AGBL1: variants seen among roughly 807,000 people sequenced by gnomAD.
AGBL1 encodes AGBL carboxypeptidase 1.
A neutral mutation model predicts 118.9 loss-of-function variants in AGBL1; 130 were observed. The observed-to-expected ratio is 1.09, with a 90% CI of 0.95 to 1.26. The LOEUF (loss-of-function observed/expected upper bound fraction) is 1.26. Among genes scored for constraint, AGBL1 ranks in the 50% most tolerant of loss-of-function variants. The pLI, the probability that AGBL1 is intolerant of heterozygous loss-of-function variation, is 0.00. For missense variants in AGBL1, 1,584 were observed against 1,298.1 expected, an observed-to-expected ratio of 1.22 and a Z score of -3.38; for synonymous variants, 555 against 478.9, an observed-to-expected ratio of 1.16 and a Z score of -2.08.
intron 17 of AGBL1, among the ~76,000 whole-genome samples, chr15:86,298,261 A>ATATATATGGTAAC (rs2079682622): frequency 9.7e-6 from 1 of 103,096 alleles, no homozygotes; most frequent in Admixed American, 9.1e-5. Context: ...ATATATATAT[A>ATATATATGGTAAC]TATATATATA....
At chr15:86,366,588 A>G (rs1194282189) in intron 17 of AGBL1, among the ~76,000 whole-genome samples, 2 of 152,156 alleles carry the variant, frequency 1.3e-5, no homozygotes, top group Non-Finnish European at 2.9e-5. Flanking sequence ...ATGTGCATCT[A>G]TCCTGGCATC....
rs73447663 is a variant in AGBL1, at chr15:86,231,291, G to T, written c.526+6340G>T. On this transcript the variant is annotated intron_variant, in intron 6 of 22. Transcript: ENST00000614907. ...AATGTTGACTAAGAAAGAATTCCAG[G>T]TTCCTGACTTTAGCCTCACACATTT... is the stretch of plus-strand genomic sequence containing the variant. Among the ~76,000 whole-genome samples the T allele has an allele frequency of 3.2e-3, 492 of 152,266 alleles. 1 individual carries two copies. The highest frequency in any genetic ancestry group is 0.011 in the African/African-American group (474 of 41,540).
intron 17 of AGBL1, among the ~76,000 whole-genome samples, chr15:86,388,338 T>G (rs1361566738): frequency 6.6e-6 from 1 of 152,174 alleles, no homozygotes; most frequent in Non-Finnish European, 1.5e-5. Flanking sequence ...AGGAGCTCCA[T>G]GTAATTTTGC....
intron 5 of AGBL1, among the ~76,000 whole-genome samples, chr15:86,184,815 C>T (rs2077606199): frequency 6.6e-6 from 1 of 152,106 alleles, no homozygotes; most frequent in South Asian, 2.1e-4. Context: ...CAAAAAAGAG[C>T]CCGCATTGCC....
chr15:86,945,043 A>G (rs750730201), intron 23 of AGBL1, among the ~76,000 whole-genome samples: 7 of 152,102 alleles, frequency 4.6e-5, no homozygotes, highest in Non-Finnish European at 7.4e-5. Flanking sequence ...ATAAATAGGA[A>G]TTATAATTAT....
chr15:86,572,101 C>T (rs1247483411), intron 21 of AGBL1, among the ~76,000 whole-genome samples: 1 of 152,180 alleles, frequency 6.6e-6, no homozygotes, highest in African/African-American at 2.4e-5. Flanking sequence ...CAGGCTCAGC[C>T]CTGACTTTAC....
intron 22 of AGBL1, among the ~76,000 whole-genome samples, chr15:86,847,367 A>G (rs1340050120): frequency 6.6e-6 from 1 of 152,194 alleles, no homozygotes; most frequent in African/African-American, 2.4e-5. Flanking sequence ...TAGATAATGC[A>G]TTGTGCTAAC....
At chr15:86,648,332 T>C (rs867866772) in intron 21 of AGBL1, among the ~76,000 whole-genome samples, 2 of 152,118 alleles carry the variant, frequency 1.3e-5, no homozygotes, top group Admixed American at 6.6e-5. Context: ...GAGGATCAGA[T>C]TCTGAATATA....
At chr15:86,724,168 C>T (rs1417002286) in intron 22 of AGBL1, among the ~76,000 whole-genome samples, 7 of 136,220 alleles carry the variant, frequency 5.1e-5, no homozygotes, top group Non-Finnish European at 9.2e-5. Context: ...TCCGGGAGGC[C>T]GAGCTTGCAG....
At chr15:86,240,288 T>C (rs1364968313) in intron 6 of AGBL1, among the ~76,000 whole-genome samples, 2 of 152,258 alleles carry the variant, frequency 1.3e-5, no homozygotes, top group South Asian at 4.1e-4. Flanking sequence ...TGTGTTCTGA[T>C]GGCAGACAGC....
intron 23 of AGBL1, among the ~76,000 whole-genome samples, chr15:86,976,686 A>G (rs1330228040): frequency 6.6e-6 from 1 of 151,750 alleles, no homozygotes; most frequent in African/African-American, 2.4e-5. Flanking sequence ...TTATTCCTAT[A>G]CTCCTTTTAA....
At chr15:86,498,603 C>T (rs1322428430) in intron 18 of AGBL1, among the ~76,000 whole-genome samples, 15 of 151,830 alleles carry the variant, frequency 9.9e-5, no homozygotes, top group Admixed American at 9.9e-4. Context: ...GACAATATTA[C>T]TTGGTATGTG....
At chr15:86,776,009 CAT>C (rs911610192) in intron 22 of AGBL1, among the ~76,000 whole-genome samples, 1 of 152,136 alleles carries the variant, frequency 6.6e-6, no homozygotes, top group African/African-American at 2.4e-5. Context: ...ACAAACAACA[CAT>C]AGTTTCTTTA....
intron 17 of AGBL1, among the ~76,000 whole-genome samples, chr15:86,331,130 AG>A (rs1395727972): frequency 6.6e-6 from 1 of 150,416 alleles, no homozygotes; most frequent in Non-Finnish European, 1.5e-5. Flanking sequence ...AGGCTGAGGC[AG>A]GAGAATCACT....
intron 1 of AGBL1, among the ~76,000 whole-genome samples, chr15:86,100,443 G>A (rs891907769): frequency 3.9e-5 from 6 of 152,040 alleles, no homozygotes; most frequent in African/African-American, 1.4e-4. Flanking sequence ...AAGCCATCCA[G>A]TCCTGGGTTT....
chr15:86,122,859 A>C (rs998981114), intron 1 of AGBL1, among the ~76,000 whole-genome samples: 4 of 152,194 alleles, frequency 2.6e-5, no homozygotes, highest in African/African-American at 9.7e-5. Context: ...GAATTCAGGC[A>C]CAGCTGACCA....
chr15:86,318,702 T>TA (rs1456857077), intron 17 of AGBL1, among the ~76,000 whole-genome samples: 2 of 129,830 alleles, frequency 1.5e-5, no homozygotes, highest in Non-Finnish European at 3.3e-5. Flanking sequence ...ATAGATTTTT[T>TA]TTTTTTTTTT....
At chr15:86,965,840 C>T (rs2081046400) in intron 23 of AGBL1, among the ~76,000 whole-genome samples, 1 of 151,990 alleles carries the variant, frequency 6.6e-6, no homozygotes, top group Admixed American at 6.6e-5. Flanking sequence ...ACATCACACA[C>T]CGGGGCCTGT....
At chr15:86,950,174 A>G (rs1264146196) in intron 23 of AGBL1, among the ~76,000 whole-genome samples, 2 of 151,930 alleles carry the variant, frequency 1.3e-5, no homozygotes, top group Non-Finnish European at 2.9e-5. Flanking sequence ...ATTTTAAATA[A>G]ATATAACTTA....
Sources: allele counts gnomAD v4.1 joint callset (sites outside exome capture counted in the v4.1 genomes callset), GRCh38; gene constraint gnomAD v4.1.1; transcripts MANE v1.5; gene names NCBI Gene and HGNC (gene_info 2026-07-23, HGNC 2026-07-21).